EFCAB11: variants seen among roughly 807,000 people sequenced by gnomAD.
The protein encoded by EFCAB11 is EF-hand calcium binding domain 11, also known as EF-hand calcium-binding domain-containing protein 11.
EFCAB11 carries 14 observed loss-of-function variants against 23.0 expected under a neutral mutation model. The ratio of observed to expected loss-of-function variants is 0.61; its 90% CI spans 0.40 to 0.95. EFCAB11 has a LOEUF of 0.95. EFCAB11 is among the 40% of genes least tolerant of loss of function. EFCAB11 has a pLI of 0.00. For synonymous variants in EFCAB11, 65 were observed against 66.6 expected (o/e 0.98, Z 0.11); for missense variants, 198 against 195.8 (o/e 1.01, Z -0.07).
chr14:89,918,644 G>A (rs1185794757), intron 5 of EFCAB11, among the ~76,000 whole-genome samples: 1 of 151,972 alleles, frequency 6.6e-6, no homozygotes, highest in Non-Finnish European at 1.5e-5. Flanking sequence ...TCTCCATGAA[G>A]AAAAAGGCAA....
chr14:89,950,845 G>C (rs532524602), intron 2 of EFCAB11, among the ~76,000 whole-genome samples: 2 of 152,150 alleles, frequency 1.3e-5, no homozygotes, highest in East Asian at 3.9e-4. Context: ...GCATTTTCCT[G>C]GTTCCTCTTG....
At chr14:89,880,411 TTG>T (rs1331373280) in intron 5 of EFCAB11, among the ~76,000 whole-genome samples, 1 of 152,186 alleles carries the variant, frequency 6.6e-6, no homozygotes, top group East Asian at 1.9e-4. Flanking sequence ...CTATGAAGTT[TTG>T]TTATAGCAGC....
intron 5 of EFCAB11, among the ~76,000 whole-genome samples, chr14:89,829,219 C>CT (rs777310077): frequency 7.9e-5 from 12 of 152,118 alleles, no homozygotes; most frequent in Non-Finnish European, 1.3e-4. Context: ...AGGAGTTATC[C>CT]TGACTAAGGA....
chr14:89,944,064 C>T (rs1890883196), intron 3 of EFCAB11, among the ~76,000 whole-genome samples: 2 of 152,204 alleles, frequency 1.3e-5, no homozygotes, highest in African/African-American at 4.8e-5. Flanking sequence ...AATAGTCACA[C>T]TTGATGTATC....
At chr14:89,875,409 C>A (rs1888404355) in intron 5 of EFCAB11, among the ~76,000 whole-genome samples, 1 of 152,106 alleles carries the variant, frequency 6.6e-6, no homozygotes, top group Non-Finnish European at 1.5e-5. Context: ...ACAGCCAAAC[C>A]ATATAGCCAC....
At chr14:89,884,230 C>A (rs1475866337) in intron 5 of EFCAB11, among the ~76,000 whole-genome samples, 1 of 152,088 alleles carries the variant, frequency 6.6e-6, no homozygotes, top group Admixed American at 6.5e-5. Context: ...TACAATAGTT[C>A]TATTTTTACT....
chr14:89,935,244 A>C (rs1353402397), intron 3 of EFCAB11, among the ~76,000 whole-genome samples: 3 of 152,162 alleles, frequency 2.0e-5, no homozygotes, highest in Admixed American at 6.5e-5. Context: ...AAAGCAGTGT[A>C]TAGTGTTCTC....
chr14:89,832,884 C>T lies in EFCAB11; in HGVS notation c.411-35560G>A, dbSNP rs115026337. ...TAACGCTGAACCATCCTAAAAGTCA[C>T]GGACCATTTGTATGAAATTCTGCCT... is the stretch of plus-strand genomic sequence containing the variant. On this transcript the variant is annotated intron_variant, in intron 5 of 5. Transcript: ENST00000316738. Among the ~76,000 whole-genome samples the T allele has an allele frequency of 4.0e-3, 605 of 152,242 alleles. 6 individuals carry two copies. The highest frequency in any genetic ancestry group is 0.013 in the African/African-American group (523 of 41,540).
intron 2 of EFCAB11, among the ~76,000 whole-genome samples, chr14:89,950,664 T>G (rs1377633446): frequency 6.6e-6 from 1 of 152,170 alleles, no homozygotes; most frequent in Non-Finnish European, 1.5e-5. Context: ...TCTTTAAACA[T>G]TTGAGACTTT....
rs191806661 is a variant in EFCAB11, at chr14:89,892,073, G to A, written c.410+39468C>T. The A allele has an allele frequency of 5.2e-4, 806 of 1,543,106 alleles. 5 individuals are homozygous for A. The African/African-American group carries it at 9.9e-3, about 19-fold the overall frequency. ...TGTGGTGGGTGTCCTGCTGGTCTTT[G>A]ATGTGACAAACAGGAAGTCCTTTGA... On this transcript the variant is annotated intron_variant, in intron 5 of 5. Transcript: ENST00000316738.
At chr14:89,872,025 T>C (rs1194616744) in intron 5 of EFCAB11, among the ~76,000 whole-genome samples, 1 of 152,216 alleles carries the variant, frequency 6.6e-6, no homozygotes, top group Non-Finnish European at 1.5e-5. Flanking sequence ...CCTGAACTAA[T>C]GACTAAGTAA....
At chr14:89,802,881 A>G (rs1278744711) in intron 5 of EFCAB11, among the ~76,000 whole-genome samples, 1 of 152,224 alleles carries the variant, frequency 6.6e-6, no homozygotes, top group African/African-American at 2.4e-5. Context: ...AATTTTCCAA[A>G]CAATTGGCCT....
intron 2 of EFCAB11, 138 bp from the exon 3 acceptor site, chr14:89,950,280 C>T (rs1350276395): frequency 4.7e-6 from 4 of 854,780 alleles, no homozygotes; most frequent in Non-Finnish European, 6.9e-6. Context: ...AGTAATGATA[C>T]ACAATAGCTA....
At chr14:89,869,412 C>G (rs1356728134) in intron 5 of EFCAB11, among the ~76,000 whole-genome samples, 4 of 152,082 alleles carry the variant, frequency 2.6e-5, no homozygotes, top group Non-Finnish European at 5.9e-5. Flanking sequence ...GCCTGGAGGT[C>G]ACAGAGCTTG....
At chr14:89,815,948 T>A (rs1441620546) in intron 5 of EFCAB11, among the ~76,000 whole-genome samples, 1 of 152,190 alleles carries the variant, frequency 6.6e-6, no homozygotes, top group African/African-American at 2.4e-5. Flanking sequence ...GTGGTAGGCA[T>A]TACATTGAAT....
At chr14:89,872,481 C>T (rs977613784) in intron 5 of EFCAB11, among the ~76,000 whole-genome samples, 2 of 152,090 alleles carry the variant, frequency 1.3e-5, no homozygotes, top group Non-Finnish European at 2.9e-5. Context: ...TACTGCACTG[C>T]TATTTGAATT....
chr14:89,863,464 T>C (rs1168786444), intron 5 of EFCAB11, among the ~76,000 whole-genome samples: 1 of 152,234 alleles, frequency 6.6e-6, no homozygotes. Flanking sequence ...GCCTCTCCCA[T>C]CCTCTGCAGG....
intron 5 of EFCAB11, among the ~76,000 whole-genome samples, chr14:89,832,107 G>A (rs192387503): frequency 3.9e-5 from 6 of 152,224 alleles, no homozygotes; most frequent in Admixed American, 2.0e-4. Flanking sequence ...GAGGTCATGA[G>A]TTCGAGACCA....
chr14:89,921,986 T>C (rs1890034493), intron 5 of EFCAB11, among the ~76,000 whole-genome samples: 1 of 152,214 alleles, frequency 6.6e-6, no homozygotes, highest in Admixed American at 6.5e-5. Flanking sequence ...TTCCTTTTTC[T>C]ATAAAGGAAA....
Sources: allele counts gnomAD v4.1 joint callset (sites outside exome capture counted in the v4.1 genomes callset), GRCh38; gene constraint gnomAD v4.1.1; transcripts MANE v1.5; gene names NCBI Gene and HGNC (gene_info 2026-07-23, HGNC 2026-07-21).